Variants in ACSL6 observed in about 807,000 individuals in gnomAD.
The protein encoded by ACSL6 is acyl-CoA synthetase long chain family member 6.
In ACSL6, 47 loss-of-function variants were observed where a neutral mutation model predicts 98.2. That is an observed-to-expected ratio of 0.48 (90% CI 0.38 to 0.61). The LOEUF (loss-of-function observed/expected upper bound fraction) is 0.61, where lower values mean the gene tolerates loss of function less well. Ranked by LOEUF, ACSL6 falls within the 20% of genes least tolerant of loss-of-function variation. ACSL6 has a pLI of 0.00. For missense variants in ACSL6, 761 were observed against 913.4 expected (o/e 0.83, Z 2.15); for synonymous variants, 362 against 336.9 (o/e 1.07, Z -0.82).
At position 131,990,791 on chromosome 5, in the gene ACSL6, C is replaced by A. The variant is rs60658467; in HGVS notation, c.385+62G>T. On this transcript the variant is annotated intron_variant, in intron 3 of 20. Coordinates refer to ENST00000651883, the MANE Select transcript of ACSL6 (RefSeq NM_001009185.3). Reference sequence around the variant, plus strand: ...CTGGTATCATGCTTGCATACCCACCCTTGCACCCACTCCACCCCTGCCACA... The same window carrying A: ...CTGGTATCATGCTTGCATACCCACCATTGCACCCACTCCACCCCTGCCACA... 5.2e-3 allele frequency: 7,901 copies of A among 1,512,820 alleles called. 330 individuals are homozygous for A. In the African/African-American group the frequency reaches 0.097, roughly 19 times the overall value. 93.7% of individuals were successfully genotyped at this position (1,512,820 alleles called of 1,614,324 possible).
Position 131,952,513 on chromosome 5 carries a change from T to G in ACSL6, c.*1721A>C, listed in dbSNP as rs1032040476. ...CTCCAAGGGAAAGGAGCTTCTAGAC[T>G]ACAAACACTGAGCACATACATTTTA... On this transcript the variant is annotated 3_prime_UTR_variant, in exon 21 of 21. Coordinates refer to ENST00000651883, the MANE Select transcript of ACSL6 (RefSeq NM_001009185.3). 4.6e-6 allele frequency: 1 copy of G among 216,240 alleles called. No homozygotes were observed. The highest frequency in any genetic ancestry group is 9.3e-6 in the Non-Finnish European group (1 of 107,336). The allele number at this position is 216,240 out of a possible 1,614,324, so 13.4% of individuals were successfully genotyped here.
intron 9 of ACSL6, among the ~76,000 whole-genome samples, chr5:131,981,554 C>T (rs1286520022): frequency 1.3e-5 from 2 of 152,178 alleles, no homozygotes; most frequent in African/African-American, 4.8e-5. Flanking sequence ...TGTAAAACCA[C>T]AGGGTAATTA....
chr5:131,993,421 T>G (rs1754629234), intron 2 of ACSL6: 1 of 155,202 alleles, frequency 6.4e-6, no homozygotes, highest in Admixed American at 6.2e-5. Flanking sequence ...TCCATTTGTT[T>G]GTTCTGGACT....
intron 14 of ACSL6, 57 bp downstream of exon 14, chr5:131,971,493 T>C (rs112102762): frequency 6.9e-7 from 1 of 1,452,142 alleles, no homozygotes; most frequent in Non-Finnish European, 9.3e-7. Flanking sequence ...GTATAGTAGT[T>C]TTCCTGCCCT....
chr5:132,009,927 C>T (rs781709680), intron 1 of ACSL6, among the ~76,000 whole-genome samples: 2 of 152,174 alleles, frequency 1.3e-5, no homozygotes, highest in Admixed American at 1.3e-4. Flanking sequence ...ACCTTGGACC[C>T]ATGGTTGGGT....
At chr5:131,959,761 C>T in intron 19 of ACSL6, 154 bp from the exon 20 acceptor site, 3 of 674,976 alleles carry the variant, frequency 4.4e-6, no homozygotes, top group South Asian at 3.6e-5. Flanking sequence ...CCTGGCAACA[C>T]TCCAATTACC....
intron 6 of ACSL6, 86 bp from the exon 7 acceptor site, chr5:131,988,312 A>G (rs1340388471): frequency 6.7e-7 from 1 of 1,496,430 alleles, no homozygotes; most frequent in Non-Finnish European, 9.2e-7. Flanking sequence ...CATGCCAGGC[A>G]GCACTTCCAT....
upstream of ACSL6, chr5:132,011,889 C>G (rs1372515818): frequency 1.5e-5 from 23 of 1,548,198 alleles, no homozygotes; most frequent in Non-Finnish European, 1.8e-5. This position sits in a 1 kb window ranked among gnomAD's most constrained non-coding sequence, Gnocchi z 5.4. Flanking sequence ...CAGCCCTCTC[C>G]GGCCCCGCTC....
At chr5:131,983,443 C>G (rs959924321) in intron 9 of ACSL6, 1 of 152,220 alleles carries the variant, frequency 6.6e-6, no homozygotes, top group Non-Finnish European at 1.5e-5. Flanking sequence ...GGCCAAATGT[C>G]AGGTTCAGAT....
intron 10 of ACSL6, chr5:131,975,501 G>A: frequency 3.0e-6 from 3 of 985,374 alleles, no homozygotes; most frequent in Non-Finnish European, 3.6e-6. Context: ...AAGGGGCCCA[G>A]AGACTCCTAA....
At chr5:131,970,925 G>T (rs1580644364) in intron 14 of ACSL6, among the ~76,000 whole-genome samples, 2 of 152,138 alleles carry the variant, frequency 1.3e-5, no homozygotes, top group African/African-American at 4.8e-5. Flanking sequence ...TTTAGAAGTG[G>T]TTAGGCCATG....
At chr5:131,985,112 G>C in intron 9 of ACSL6, 5 of 426,256 alleles carry the variant, frequency 1.2e-5, no homozygotes, top group Non-Finnish European at 2.2e-5. Context: ...AATGATGCCA[G>C]TGAGAAAGGA....
chr5:131,998,881 C>A lies in ACSL6; in HGVS notation c.50-4630G>T, dbSNP rs191194018. Among the ~76,000 whole-genome samples, 458 of 152,330 alleles carry A rather than the reference C, an allele frequency of 3.0e-3. 3 individuals carry two copies. The highest frequency in any genetic ancestry group is 5.1e-3 in the Non-Finnish European group (346 of 68,024). On this transcript the variant is annotated intron_variant, in intron 1 of 20. Coordinates refer to ENST00000651883, the MANE Select transcript of ACSL6 (RefSeq NM_001009185.3). Reference sequence around the variant, plus strand: ...GGACCAGAGTCCAAACTAATGCTCACACTGAGGCTCTCCATGATCCTCGGA... The same window carrying A: ...GGACCAGAGTCCAAACTAATGCTCAAACTGAGGCTCTCCATGATCCTCGGA...
chr5:132,009,631 C>T (rs949615877), intron 1 of ACSL6, among the ~76,000 whole-genome samples: 5 of 152,160 alleles, frequency 3.3e-5, no homozygotes, highest in African/African-American at 1.2e-4. Flanking sequence ...CCACTACCTG[C>T]CCCAAGAATC....
chr5:132,007,301 G>A (rs535881297), intron 1 of ACSL6, among the ~76,000 whole-genome samples: 1 of 152,328 alleles, frequency 6.6e-6, no homozygotes, highest in African/African-American at 2.4e-5. Context: ...CAACCTCACT[G>A]GCCCAGCAGA....
intron 8 of ACSL6, among the ~76,000 whole-genome samples, chr5:131,986,241 G>A (rs1000483953): frequency 9.9e-5 from 15 of 152,186 alleles, no homozygotes; most frequent in Admixed American, 2.0e-4. Flanking sequence ...CTGGGAAGCC[G>A]GGGGTGACCT....
chr5:131,985,365 G>A (rs1449767034), intron 9 of ACSL6, 42 bp downstream of exon 9: 6 of 1,612,080 alleles, frequency 3.7e-6, no homozygotes, highest in South Asian at 1.1e-5. Flanking sequence ...CCAGGGAAGG[G>A]TGCAGGTAGC....
intron 1 of ACSL6, among the ~76,000 whole-genome samples, chr5:132,002,697 C>A (rs189207858): frequency 2.0e-5 from 3 of 152,194 alleles, no homozygotes; most frequent in African/African-American, 7.2e-5. Context: ...GAGAACAGGG[C>A]TATCGAAGAG....
chr5:132,011,886 C>T, upstream of ACSL6: 5 of 1,547,496 alleles, frequency 3.2e-6, no homozygotes, highest in Non-Finnish European at 4.4e-6. The surrounding 1 kb of genome is among the most constrained non-coding windows in gnomAD (Gnocchi z 5.4). Flanking sequence ...AACCAGCCCT[C>T]TCCGGCCCCG....
Sources: gnomAD v4.1 joint callset for allele counts (sites outside exome capture counted in the v4.1 genomes callset) on GRCh38, gnomAD v4.1.1 for gene constraint, Gnocchi (gnomAD v3.1) non-coding constraint, MANE v1.5 for transcripts, NCBI Gene and HGNC (gene_info 2026-07-23, HGNC 2026-07-21) for gene names.